KIAA0586: variants seen among roughly 807,000 people sequenced by gnomAD.
The protein encoded by KIAA0586 is KIAA0586, also known as protein TALPID3.
Under a neutral mutation model 169.8 loss-of-function variants are expected in KIAA0586, and 144 were observed. The ratio of observed to expected loss-of-function variants is 0.85; its 90% CI spans 0.74 to 0.97. The LOEUF is 0.97. Ranked by LOEUF, KIAA0586 falls within the 50% of genes least tolerant of loss-of-function variation. The pLI is 0.00. For synonymous variants in KIAA0586, 625 were observed against 612.4 expected (o/e 1.02, Z -0.30); for missense variants, 1,854 against 1,823.0 (o/e 1.02, Z -0.31).
chr14:58,461,626 A>G (rs1011913720), intron 14 of KIAA0586, among the ~76,000 whole-genome samples: 4 of 152,158 alleles, frequency 2.6e-5, no homozygotes, highest in Admixed American at 2.6e-4. Flanking sequence ...TTATAGAGAC[A>G]GGGTTTCACC....
intron 19 of KIAA0586, among the ~76,000 whole-genome samples, chr14:58,476,253 C>T (rs185798974): frequency 6.6e-6 from 1 of 152,066 alleles, no homozygotes; most frequent in Non-Finnish European, 1.5e-5. Flanking sequence ...ACAATGAACA[C>T]CTATTATTTA....
intron 14 of KIAA0586, among the ~76,000 whole-genome samples, chr14:58,461,849 G>C (rs1291411442): frequency 6.6e-6 from 1 of 152,172 alleles, no homozygotes. Flanking sequence ...GTGCACAACT[G>C]AAAACATCTT....
chr14:58,495,292 G>A lies in KIAA0586; in HGVS notation c.3990+3017G>A, dbSNP rs148216999. 3.4e-3 allele frequency among the ~76,000 whole-genome samples: 513 copies of A among 150,770 alleles called. 2 individuals carry two copies. The highest frequency in any genetic ancestry group is 0.012 in the East Asian group (60 of 5,158). ...TATGTGTGTATGTGTGTGTGTGTGT[G>A]TATATATATATATGTGTGTGAATCT... On this transcript the variant is annotated intron_variant, in intron 26 of 30. Transcript: ENST00000652326.
At chr14:58,519,770 G>C (rs567362986) in intron 29 of KIAA0586, among the ~76,000 whole-genome samples, 1 of 152,286 alleles carries the variant, frequency 6.6e-6, no homozygotes, top group East Asian at 1.9e-4. Context: ...GTGGTGATCA[G>C]TAAATGTTCA....
chr14:58,517,130 T>G (rs2044824687), intron 29 of KIAA0586, among the ~76,000 whole-genome samples: 1 of 152,208 alleles, frequency 6.6e-6, no homozygotes, highest in South Asian at 2.1e-4. Context: ...ATAATTGGAC[T>G]TAATCAAAAT....
chr14:58,449,755 C>G (rs2039198332), intron 7 of KIAA0586, among the ~76,000 whole-genome samples: 1 of 151,998 alleles, frequency 6.6e-6, no homozygotes, highest in South Asian at 2.1e-4. Flanking sequence ...TAACTCAATT[C>G]CAGAGAATTT....
intron 21 of KIAA0586, among the ~76,000 whole-genome samples, chr14:58,484,727 G>A (rs1032892757): frequency 1.3e-5 from 2 of 149,530 alleles, no homozygotes; most frequent in Non-Finnish European, 3.0e-5. Flanking sequence ...TGAAGACTAA[G>A]AGTACATTAA....
At chr14:58,494,554 G>A (rs2043041559) in intron 26 of KIAA0586, among the ~76,000 whole-genome samples, 2 of 152,058 alleles carry the variant, frequency 1.3e-5, no homozygotes, top group Admixed American at 1.3e-4. Flanking sequence ...CTGTTTCAGA[G>A]AGTTAAAGAA....
intron 29 of KIAA0586, among the ~76,000 whole-genome samples, chr14:58,514,277 C>G (rs2044598289): frequency 6.6e-6 from 1 of 151,786 alleles, no homozygotes; most frequent in Admixed American, 6.6e-5. Context: ...AGTCAGAGTG[C>G]CAAAATAATT....
intron 4 of KIAA0586, chr14:58,439,696 A>G (rs562296651): frequency 1.4e-4 from 32 of 220,988 alleles, no homozygotes; most frequent in African/African-American, 7.2e-4. Flanking sequence ...ACGGTAAGCA[A>G]GTAGAGAAGT....
chr14:58,443,610 G>T (rs931657469), intron 5 of KIAA0586, among the ~76,000 whole-genome samples: 1 of 152,118 alleles, frequency 6.6e-6, no homozygotes, highest in Admixed American at 6.5e-5. Context: ...TTTTAGTAGA[G>T]ATGGGGGTTT....
At chr14:58,527,410 C>G (rs935846474) in intron 29 of KIAA0586, among the ~76,000 whole-genome samples, 3 of 152,152 alleles carry the variant, frequency 2.0e-5, no homozygotes, top group Admixed American at 1.3e-4. Flanking sequence ...TCGTCAGATT[C>G]AACAAGGTTG....
chr14:58,455,827 T>C (rs75161182), intron 9 of KIAA0586, among the ~76,000 whole-genome samples: 1,795 of 152,294 alleles, frequency 0.012, 13 homozygotes, highest in South Asian at 0.021. Flanking sequence ...GATTAGGACC[T>C]TCCCAGGTCT....
At position 58,428,377 on chromosome 14, in the gene KIAA0586, A is replaced by G. The variant is rs774595349; in HGVS notation, c.113A>G (p.Asp38Gly). The change falls in exon 1 of 31, where the codon GAT becomes GGT. Residue 38 changes from aspartate (D) to glycine (G), a missense_variant. Physicochemically the swap from Asp to Gly is moderately conservative, Grantham distance 94 (BLOSUM62 -1). Coordinates refer to ENST00000652326, the MANE Select transcript of KIAA0586 (RefSeq NM_001329943.3). The stretch of plus-strand genomic sequence containing the variant: ...GGAGATCATTTGGTTTTGCTGAAAG[A>G]TGAGTTGCCCTGTGTTCCTCCGGCA... The part of the protein sequence containing the change: ...NHGDHLVLLK[D>G]ELPCVPPALS... 6.2e-7 allele frequency: 1 copy of G among 1,614,002 alleles called. No homozygotes were observed. Among genetic ancestry groups the G allele is most frequent in the Admixed American group, 1.7e-5 (1 of 60,014 alleles).
chr14:58,470,717 G>T lies in KIAA0586; in HGVS notation c.2547G>T (p.Trp849Cys), dbSNP rs1304723669. 6.6e-7 allele frequency: 1 copy of T among 1,523,268 alleles called. No homozygotes were observed. Among genetic ancestry groups the T allele is most frequent in the African/African-American group, 1.4e-5 (1 of 73,004 alleles). 94.4% of individuals were successfully genotyped at this position (1,523,268 alleles called of 1,614,324 possible). A position where few individuals can be genotyped will look rare whatever the true frequency, so the allele number is the denominator to read the frequency against. ...CATCTCTTCCTCCTGTGCAAACTTG[G>T]ATAAAGGTATATTTCAGAATTTTAT... is the stretch of plus-strand genomic sequence containing the variant. ...KEASLPPVQT[W>C]IKTPEIMKVD... is the part of the protein sequence containing the mutation. Residue 849 changes from tryptophan to cysteine, a missense_variant, in exon 17 of 31, where the codon TGG becomes TGT. Transcript: ENST00000652326.
intron 26 of KIAA0586, among the ~76,000 whole-genome samples, chr14:58,497,414 C>T (rs2043230567): frequency 6.7e-6 from 1 of 149,556 alleles, no homozygotes; most frequent in Non-Finnish European, 1.5e-5. Flanking sequence ...GGCTGGAGTT[C>T]AGTGGCTCAG....
At chr14:58,516,515 A>T (rs1014792063) in intron 29 of KIAA0586, among the ~76,000 whole-genome samples, 1 of 152,184 alleles carries the variant, frequency 6.6e-6, no homozygotes, top group African/African-American at 2.4e-5. Flanking sequence ...GTGGTTGGAA[A>T]CTGTCCTGCA....
Position 58,457,413 on chromosome 14 carries a change from G to A in KIAA0586, c.1363-346G>A, listed in dbSNP as rs150000486. Among the ~76,000 whole-genome samples, 7,499 of 152,098 alleles carry A rather than the reference G, an allele frequency of 0.049. 262 individuals carry two copies. Among genetic ancestry groups the A allele is most frequent in the South Asian group, 0.11 (545 of 4,806 alleles). On this transcript the variant is annotated intron_variant, in intron 10 of 30. Coordinates refer to ENST00000652326, the MANE Select transcript of KIAA0586 (RefSeq NM_001329943.3). ...CTCCTGAGCAGCTGGGATTACAAGG[G>A]TGTGCCACCACACCTGGCTAATTTT...
intron 30 of KIAA0586, among the ~76,000 whole-genome samples, chr14:58,542,465 A>G (rs2046699610): frequency 6.6e-6 from 1 of 151,696 alleles, no homozygotes; most frequent in South Asian, 2.1e-4. Context: ...TGACAGAGCG[A>G]TACTCCGTCT....
Sources: allele counts gnomAD v4.1 joint callset (sites outside exome capture counted in the v4.1 genomes callset), GRCh38; gene constraint gnomAD v4.1.1; transcripts MANE v1.5; gene names NCBI Gene and HGNC (gene_info 2026-07-23, HGNC 2026-07-21).